ADAM32: variants seen among roughly 807,000 people sequenced by gnomAD.
The protein encoded by ADAM32 is ADAM metallopeptidase domain 32, also known as disintegrin and metalloproteinase domain-containing protein 32.
In ADAM32, 89 loss-of-function variants were observed where a neutral mutation model predicts 114.9. The ratio of observed to expected loss-of-function variants is 0.77; its 90% CI spans 0.65 to 0.92. The LOEUF (loss-of-function observed/expected upper bound fraction) is 0.92. ADAM32 is among the 40% of genes least tolerant of loss of function. ADAM32 has a pLI of 0.00. For missense variants in ADAM32, 870 were observed against 932.8 expected (o/e 0.93, Z 0.88); for synonymous variants, 285 against 307.5 (o/e 0.93, Z 0.77).
chr8:39,283,116 AG>A (rs1813535026), intron 23 of ADAM32, among the ~76,000 whole-genome samples: 1 of 152,088 alleles, frequency 6.6e-6, no homozygotes, highest in African/African-American at 2.4e-5. Flanking sequence ...AAAATGGAAA[AG>A]ACTGGGTGTG....
At chr8:39,158,917 TC>T (rs1804324311) in intron 6 of ADAM32, among the ~76,000 whole-genome samples, 1 of 152,180 alleles carries the variant, frequency 6.6e-6, no homozygotes, top group Non-Finnish European at 1.5e-5. Context: ...GAAGTATCAT[TC>T]TTCTGGTTTC....
At position 39,223,204 on chromosome 8, in the gene ADAM32, T is replaced by A. The variant is rs766387368; in HGVS notation, c.1491T>A (p.Asp497Glu). The A allele has an allele frequency of 6.3e-7, 1 of 1,597,606 alleles. No individual in the cohort carries two copies. The highest frequency in any genetic ancestry group is 1.1e-5 in the South Asian group (1 of 87,434). Residue 497 changes from aspartate (D) to glutamate (E), a missense_variant, in exon 14 of 25, where the codon GAT becomes GAA. Asp to Glu is a conservative substitution (Grantham distance 45, BLOSUM62 2). Coordinates refer to ENST00000379907, the MANE Select transcript of ADAM32 (RefSeq NM_145004.7). ...KFICYDGDCH[D>E]LDARCESVFG... ...TTTGTTATGACGGAGACTGCCATGATCTCGATGCACGTTGTGAGAGTGTAT... is the reference window on the plus strand; with the variant it reads ...TTTGTTATGACGGAGACTGCCATGAACTCGATGCACGTTGTGAGAGTGTAT...
chr8:39,180,123 G>T (rs1045368282), intron 10 of ADAM32, among the ~76,000 whole-genome samples: 2 of 152,196 alleles, frequency 1.3e-5, no homozygotes, highest in African/African-American at 4.8e-5. Flanking sequence ...AGGGAGAGGC[G>T]CGAGTGGGAA....
At chr8:39,279,781 T>G (rs148510295) in intron 22 of ADAM32, among the ~76,000 whole-genome samples, 1 of 152,346 alleles carries the variant, frequency 6.6e-6, no homozygotes, top group East Asian at 1.9e-4. Context: ...TCTGTTGATC[T>G]TGATGTGTGA....
At chr8:39,277,646 C>A (rs1813160384) in intron 22 of ADAM32, among the ~76,000 whole-genome samples, 1 of 152,214 alleles carries the variant, frequency 6.6e-6, no homozygotes, top group African/African-American at 2.4e-5. Context: ...CCATTTCAGC[C>A]CTGGCTGGGC....
chr8:39,182,677 G>T (rs956328906), intron 10 of ADAM32, among the ~76,000 whole-genome samples: 1 of 152,160 alleles, frequency 6.6e-6, no homozygotes, highest in Non-Finnish European at 1.5e-5. Context: ...CCCAGAAGAG[G>T]ATTATTTTGA....
chr8:39,188,387 GTCTA>G (rs1164877730), intron 11 of ADAM32, among the ~76,000 whole-genome samples: 24 of 104,412 alleles, frequency 2.3e-4, no homozygotes, highest in African/African-American at 6.3e-4. Flanking sequence ...CTGTCTGTCT[GTCTA>G]TCTATCTATC....
intron 12 of ADAM32, among the ~76,000 whole-genome samples, chr8:39,217,528 T>C (rs1454187827): frequency 6.6e-6 from 1 of 151,762 alleles, no homozygotes; most frequent in Non-Finnish European, 1.5e-5. Context: ...TTTGTAGATC[T>C]TGTAGATATG....
chr8:39,257,484 G>A, intron 19 of ADAM32, 141 bp downstream of exon 19: 4 of 1,096,720 alleles, frequency 3.6e-6, no homozygotes, highest in Non-Finnish European at 5.0e-6. Flanking sequence ...TTAATTTTAT[G>A]AGGTAGCTGT....
intron 22 of ADAM32, among the ~76,000 whole-genome samples, chr8:39,280,601 T>G (rs1813360366): frequency 6.6e-6 from 1 of 152,178 alleles, no homozygotes; most frequent in African/African-American, 2.4e-5. Flanking sequence ...AGAATTTACA[T>G]TTTGTACTAT....
chr8:39,136,649 T>A lies in ADAM32; in HGVS notation c.139-8T>A. 2 of 1,517,128 alleles carry A rather than the reference T, an allele frequency of 1.3e-6. No homozygotes were observed. Among genetic ancestry groups the A allele is most frequent in the Non-Finnish European group, 1.8e-6 (2 of 1,127,724 alleles). 94.0% of individuals were successfully genotyped at this position (1,517,128 alleles called of 1,614,324 possible). A position where few individuals can be genotyped will look rare whatever the true frequency, so the allele number is the denominator to read the frequency against. On this transcript the variant is annotated splice_polypyrimidine_tract_variant and splice_region_variant and intron_variant, in intron 2 of 24. Coordinates refer to ENST00000379907, the MANE Select transcript of ADAM32 (RefSeq NM_145004.7). ...TGTCTTCACTCTCAGTTGTTTTGAATTCTCTAGGAACAAATATCCTATATT... is the reference window on the plus strand; with the variant it reads ...TGTCTTCACTCTCAGTTGTTTTGAAATCTCTAGGAACAAATATCCTATATT...
chr8:39,226,061 C>T (rs1411261252), intron 14 of ADAM32, among the ~76,000 whole-genome samples: 1 of 151,870 alleles, frequency 6.6e-6, no homozygotes, highest in Non-Finnish European at 1.5e-5. Context: ...AAAAAAAAAT[C>T]AAATTATTGG....
intron 16 of ADAM32, among the ~76,000 whole-genome samples, chr8:39,245,673 C>T (rs990355109): frequency 1.3e-5 from 2 of 152,080 alleles, no homozygotes; most frequent in Admixed American, 6.5e-5. Flanking sequence ...CTTGGACTTC[C>T]AGCCTCTAGA....
At chr8:39,170,197 G>A (rs1040993623) in intron 10 of ADAM32, among the ~76,000 whole-genome samples, 200 bp downstream of exon 10, 2 of 152,046 alleles carry the variant, frequency 1.3e-5, no homozygotes, top group Non-Finnish European at 2.9e-5. Context: ...ATGTTTCAGA[G>A]TTGGAATAAA....
chr8:39,228,050 C>T (rs546608944), intron 14 of ADAM32, among the ~76,000 whole-genome samples: 31 of 152,258 alleles, frequency 2.0e-4, no homozygotes, highest in Admixed American at 7.8e-4. Flanking sequence ...TGGGTAGACT[C>T]GCTGGATGGC....
chr8:39,127,280 A>G (rs527683176), intron 2 of ADAM32, among the ~76,000 whole-genome samples: 4 of 152,270 alleles, frequency 2.6e-5, no homozygotes, highest in Non-Finnish European at 5.9e-5. Context: ...TACCTCTGGT[A>G]GAATTCAGCT....
intron 11 of ADAM32, among the ~76,000 whole-genome samples, chr8:39,187,492 C>T (rs1806322390): frequency 2.0e-5 from 3 of 152,006 alleles, no homozygotes; most frequent in South Asian, 2.1e-4. Context: ...AGGATGGTCT[C>T]GATCTCCTGA....
intron 16 of ADAM32, among the ~76,000 whole-genome samples, chr8:39,244,866 C>T (rs1044169044): frequency 3.3e-5 from 5 of 151,908 alleles, no homozygotes; most frequent in East Asian, 1.9e-4. Context: ...AAAGATGTGT[C>T]GAAGACTTAA....
At chr8:39,161,063 AC>A (rs1431766016) in intron 7 of ADAM32, 98 bp downstream of exon 7, 9 of 1,108,998 alleles carry the variant, frequency 8.1e-6, no homozygotes, top group Non-Finnish European at 1.0e-5. Flanking sequence ...CAATGTTCTT[AC>A]TCACATGTCA....
Sources: allele counts gnomAD v4.1 joint callset (sites outside exome capture counted in the v4.1 genomes callset), GRCh38; gene constraint gnomAD v4.1.1; transcripts MANE v1.5; gene names NCBI Gene and HGNC (gene_info 2026-07-23, HGNC 2026-07-21).